UTRN: variants seen among roughly 807,000 people sequenced by gnomAD.
The protein encoded by UTRN is utrophin, also known as dystrophin-related protein 1.
Under a neutral mutation model 463.9 loss-of-function variants are expected in UTRN, and 283 were observed. That is an observed-to-expected ratio of 0.61 (90% CI 0.55 to 0.67). The LOEUF is 0.67. Among genes scored for constraint, UTRN ranks in the 30% least tolerant of loss-of-function variants. UTRN has a pLI of 0.00. For synonymous variants in UTRN, 1,442 were observed against 1,431.5 expected, an observed-to-expected ratio of 1.01 and a Z score of -0.17; for missense variants, 3,922 against 4,084.3, an observed-to-expected ratio of 0.96 and a Z score of 1.08.
At position 144,347,837 on chromosome 6, in the gene UTRN, G is replaced by GTTTTTTTTTTTTTTTTTTTT. The variant is rs560581181; in HGVS notation, c.80-55274_80-55273insTTTTTTTTTTTTTTTTTTTT. Among the ~76,000 whole-genome samples the GTTTTTTTTTTTTTTTTTTTT allele has an allele frequency of 2.3e-4, 30 of 128,908 alleles. 1 individual carries two copies. Among genetic ancestry groups the GTTTTTTTTTTTTTTTTTTTT allele is most frequent in the African/African-American group, 1.0e-3 (30 of 29,474 alleles). 84.6% of individuals were successfully genotyped at this position (128,908 alleles called of 152,430 possible). On this transcript the variant is annotated intron_variant, in intron 2 of 74. Coordinates refer to ENST00000367545, the MANE Select transcript of UTRN (RefSeq NM_007124.3). ...TCTCCTGAACTGTGGCTTATTCTTT[G>GTTTTTTTTTTTTTTTTTTTT]TTTTTTTTTTTTGTTTTTTTTTTTG...
At chr6:144,820,807 C>T (rs897591502) in intron 65 of UTRN, 75 bp from the exon 66 acceptor site, 19 of 1,506,018 alleles carry the variant, frequency 1.3e-5, no homozygotes, top group Admixed American at 1.1e-4. Context: ...CAATTTACAT[C>T]GGCTCTGATT....
At chr6:144,552,873 A>G (rs1368954968) in intron 48 of UTRN, among the ~76,000 whole-genome samples, 1 of 152,190 alleles carries the variant, frequency 6.6e-6, no homozygotes, top group Non-Finnish European at 1.5e-5. Context: ...GTAACTTTTT[A>G]ACTGACAAGA....
At chr6:144,505,186 A>C (rs1794592040) in intron 34 of UTRN, among the ~76,000 whole-genome samples, 1 of 151,830 alleles carries the variant, frequency 6.6e-6, no homozygotes, top group Non-Finnish European at 1.5e-5. Context: ...TGGCTTATCT[A>C]TTTTATTAAT....
At chr6:144,331,604 C>T (rs941702791) in intron 2 of UTRN, among the ~76,000 whole-genome samples, 1 of 152,176 alleles carries the variant, frequency 6.6e-6, no homozygotes, top group Non-Finnish European at 1.5e-5. Flanking sequence ...TTGGTTCGTT[C>T]ACTGTCATTT....
chr6:144,316,451 T>C (rs926428528), intron 2 of UTRN, among the ~76,000 whole-genome samples: 5 of 152,352 alleles, frequency 3.3e-5, no homozygotes, highest in South Asian at 4.1e-4. Context: ...TACATTACTT[T>C]CATTTAAAAT....
chr6:144,660,757 C>T (rs1354082574), intron 51 of UTRN, among the ~76,000 whole-genome samples: 2 of 152,152 alleles, frequency 1.3e-5, no homozygotes, highest in Non-Finnish European at 2.9e-5. Context: ...TGGCAGAAGT[C>T]GCTTCACAGT....
chr6:144,803,720 A>G (rs1036273333), intron 65 of UTRN, among the ~76,000 whole-genome samples: 1 of 152,040 alleles, frequency 6.6e-6, no homozygotes, highest in Admixed American at 6.6e-5. Flanking sequence ...ATTCCCTGAA[A>G]TTTGGACATA....
chr6:144,709,606 A>C (rs1419495642), intron 53 of UTRN, among the ~76,000 whole-genome samples: 1 of 152,182 alleles, frequency 6.6e-6, no homozygotes, highest in Non-Finnish European at 1.5e-5. Flanking sequence ...TCTTAAGGTA[A>C]TAGTTTGAAT....
At chr6:144,682,436 A>G (rs1033354835) in intron 52 of UTRN, among the ~76,000 whole-genome samples, 3 of 152,206 alleles carry the variant, frequency 2.0e-5, no homozygotes, top group Admixed American at 6.5e-5. Flanking sequence ...CAGTACTGCC[A>G]CAAACATGGG....
chr6:144,531,065 G>A lies in UTRN; in HGVS notation c.5920G>A (p.Ala1974Thr), dbSNP rs12204734. ...YSDRKGCFDR[A>T]MEEWRQFHCD... ...ATTGTCCTCTAGTTGTTTTGACAGGGCAATGGAAGAATGGAGACAGTTCCA... is the reference window on the plus strand; with the variant it reads ...ATTGTCCTCTAGTTGTTTTGACAGGACAATGGAAGAATGGAGACAGTTCCA... Residue 1974 changes from alanine to threonine, a missense_variant, in exon 42 of 75, where the codon GCA becomes ACA. Ala to Thr is a moderately conservative substitution (Grantham distance 58, BLOSUM62 0). Coordinates refer to ENST00000367545, the MANE Select transcript of UTRN (RefSeq NM_007124.3). 0.19 allele frequency: 298,746 copies of A among 1,613,084 alleles called. 30,596 individuals carry two copies. The highest frequency in any genetic ancestry group is 0.33 in the South Asian group (29,819 of 90,954).
chr6:144,426,068 TGAGG>T (rs1785267732), intron 6 of UTRN, among the ~76,000 whole-genome samples: 5 of 152,188 alleles, frequency 3.3e-5, no homozygotes, highest in Non-Finnish European at 7.3e-5. Flanking sequence ...TGTATAAAAG[TGAGG>T]TAAAAATCAC....
intron 2 of UTRN, among the ~76,000 whole-genome samples, chr6:144,385,037 A>T (rs930539924): frequency 6.6e-6 from 1 of 152,112 alleles, no homozygotes; most frequent in African/African-American, 2.4e-5. Flanking sequence ...CATTCATCCA[A>T]ATCTTTTTGT....
At chr6:144,308,701 C>G (rs572572640) in intron 2 of UTRN, among the ~76,000 whole-genome samples, 1 of 152,322 alleles carries the variant, frequency 6.6e-6, no homozygotes, top group South Asian at 2.1e-4. Flanking sequence ...CCACCCTAAC[C>G]GTGTACATTG....
intron 61 of UTRN, among the ~76,000 whole-genome samples, chr6:144,787,035 T>C (rs1354725226): frequency 6.6e-6 from 1 of 152,172 alleles, no homozygotes; most frequent in African/African-American, 2.4e-5. Flanking sequence ...ATTCCTTTCT[T>C]GTGTTGTGAC....
At chr6:144,508,515 C>T (rs1276205644) in intron 34 of UTRN, among the ~76,000 whole-genome samples, 1 of 152,208 alleles carries the variant, frequency 6.6e-6, no homozygotes, top group Non-Finnish European at 1.5e-5. Context: ...GTTCCCCAAC[C>T]TCTTGCGCTT....
Position 144,540,782 on chromosome 6 carries a change from A to G in UTRN, c.6519+1339A>G, listed in dbSNP as rs577029370. 1.5e-4 allele frequency among the ~76,000 whole-genome samples: 23 copies of G among 152,318 alleles called. No homozygotes were observed. The South Asian group carries it at 2.5e-3, about 16-fold the overall frequency. ...CCAAACCAAAAACTATACCTCAGTC[A>G]CCATTAGCAGCTTTTCCTTCAAAAT... On this transcript the variant is annotated intron_variant, in intron 45 of 74. Coordinates refer to ENST00000367545, the MANE Select transcript of UTRN (RefSeq NM_007124.3).
At chr6:144,618,605 A>T (rs1775018704) in intron 51 of UTRN, among the ~76,000 whole-genome samples, 3 of 152,112 alleles carry the variant, frequency 2.0e-5, no homozygotes, top group African/African-American at 7.2e-5. Context: ...AAGAAACTTT[A>T]AAAAAATGAG....
chr6:144,846,685 C>T (rs1251761752), intron 73 of UTRN, 120 bp from the exon 74 acceptor site: 29 of 1,337,868 alleles, frequency 2.2e-5, no homozygotes, highest in Non-Finnish European at 2.1e-6. Flanking sequence ...ATCCATTTAA[C>T]AACTGGGCTA....
intron 21 of UTRN, among the ~76,000 whole-genome samples, chr6:144,459,599 T>C (rs552309844): frequency 7.0e-6 from 1 of 142,576 alleles, no homozygotes; most frequent in Non-Finnish European, 1.5e-5. Context: ...ATAATAATAA[T>C]TTTTTTTTTT....
Sources: allele counts gnomAD v4.1 joint callset (sites outside exome capture counted in the v4.1 genomes callset), GRCh38; gene constraint gnomAD v4.1.1; transcripts MANE v1.5; gene names NCBI Gene and HGNC (gene_info 2026-07-23, HGNC 2026-07-21).